VWC2L: variants seen among roughly 807,000 people sequenced by gnomAD.
The protein encoded by VWC2L is von Willebrand factor C domain containing 2 like, also known as von Willebrand factor C domain-containing protein 2-like.
Under a neutral mutation model 21.6 loss-of-function variants are expected in VWC2L, and 10 were observed. The ratio of observed to expected loss-of-function variants is 0.46; its 90% CI spans 0.29 to 0.78. The LOEUF is 0.78. Among genes scored for constraint, VWC2L ranks in the 30% least tolerant of loss-of-function variants. The pLI is 0.10. For missense variants in VWC2L, 209 were observed against 277.1 expected, an observed-to-expected ratio of 0.75 and a Z score of 1.74; for synonymous variants, 96 against 94.3, an observed-to-expected ratio of 1.02 and a Z score of -0.10.
chr2:214,547,399 T>C (rs1333166805), intron 3 of VWC2L, among the ~76,000 whole-genome samples: 2 of 152,088 alleles, frequency 1.3e-5, no homozygotes, highest in African/African-American at 4.8e-5. Context: ...GGAGGGAGAA[T>C]GTTCGACATA....
At chr2:214,480,691 A>C (rs1688589381) in intron 3 of VWC2L, among the ~76,000 whole-genome samples, 1 of 152,014 alleles carries the variant, frequency 6.6e-6, no homozygotes, top group Admixed American at 6.6e-5. Flanking sequence ...AACATGAGTT[A>C]TTACATCTGC....
intron 3 of VWC2L, among the ~76,000 whole-genome samples, chr2:214,454,791 A>G (rs1703031261): frequency 6.6e-6 from 1 of 151,312 alleles, no homozygotes; most frequent in Non-Finnish European, 1.5e-5. Flanking sequence ...TTTAGTAGAG[A>G]TGGAGTTTCA....
At chr2:214,527,443 C>A (rs1311003875) in intron 3 of VWC2L, among the ~76,000 whole-genome samples, 1 of 152,132 alleles carries the variant, frequency 6.6e-6, no homozygotes, top group Admixed American at 6.5e-5. Context: ...CAATTACTTT[C>A]CATTGTGCTT....
chr2:214,560,471 G>A (rs1369994870), intron 3 of VWC2L, among the ~76,000 whole-genome samples: 4 of 152,106 alleles, frequency 2.6e-5, no homozygotes, highest in East Asian at 3.8e-4. Context: ...TTCCATTGTG[G>A]TGTGTTATGC....
intron 3 of VWC2L, among the ~76,000 whole-genome samples, chr2:214,470,298 G>C (rs181897942): frequency 2.0e-5 from 3 of 151,340 alleles, no homozygotes; most frequent in Admixed American, 2.0e-4. Context: ...GGAAAAATTA[G>C]AACTAGAACA....
intron 2 of VWC2L, 77 bp downstream of exon 2, chr2:214,414,660 A>G (rs1274188107): frequency 2.0e-6 from 3 of 1,468,216 alleles, no homozygotes; most frequent in African/African-American, 2.9e-5. Context: ...CATTAAAGTC[A>G]GAGTTGGAAA....
intron 3 of VWC2L, among the ~76,000 whole-genome samples, chr2:214,474,453 C>A (rs1250808666): frequency 6.6e-6 from 1 of 152,020 alleles, no homozygotes; most frequent in Non-Finnish European, 1.5e-5. Flanking sequence ...CGTGTGTGTG[C>A]AAGTATTTTG....
chr2:214,443,761 G>C (rs921660269), intron 3 of VWC2L, among the ~76,000 whole-genome samples: 1 of 152,044 alleles, frequency 6.6e-6, no homozygotes, highest in African/African-American at 2.4e-5. Context: ...GATAAAGTCA[G>C]GAATAGACAA....
intron 3 of VWC2L, among the ~76,000 whole-genome samples, chr2:214,551,503 T>A (rs555821338): frequency 1.3e-5 from 2 of 152,360 alleles, no homozygotes; most frequent in East Asian, 3.9e-4. Flanking sequence ...AAAAAATTAC[T>A]CAGAGAGAAA....
At chr2:214,435,883 C>T (rs1702671495) in intron 2 of VWC2L, among the ~76,000 whole-genome samples, 2 of 152,112 alleles carry the variant, frequency 1.3e-5, no homozygotes, top group Non-Finnish European at 1.5e-5. Flanking sequence ...ACACTCTCGG[C>T]CGGTAAGTAC....
chr2:214,492,787 G>A (rs1688762160), intron 3 of VWC2L, among the ~76,000 whole-genome samples: 1 of 152,062 alleles, frequency 6.6e-6, no homozygotes, highest in Non-Finnish European at 1.5e-5. Context: ...AGGTTTTGCT[G>A]CTATAACAAA....
At chr2:214,519,080 G>GA (rs1559316096) in intron 3 of VWC2L, among the ~76,000 whole-genome samples, 1 of 152,108 alleles carries the variant, frequency 6.6e-6, no homozygotes, top group Non-Finnish European at 1.5e-5. Flanking sequence ...TCGTTCTTTT[G>GA]AAAAACCTTA....
chr2:214,512,011 CTCTTTT>C (rs1689064180), intron 3 of VWC2L, among the ~76,000 whole-genome samples: 1 of 151,590 alleles, frequency 6.6e-6, no homozygotes, highest in African/African-American at 2.4e-5. Flanking sequence ...ATTAGTGTTT[CTCTTTT>C]TGAGACATAT....
intron 3 of VWC2L, among the ~76,000 whole-genome samples, chr2:214,512,784 A>G (rs1227988706): frequency 6.6e-6 from 1 of 152,140 alleles, no homozygotes; most frequent in Non-Finnish European, 1.5e-5. Flanking sequence ...ATAAGTGGAT[A>G]TAACTGGAAT....
At chr2:214,552,783 G>C (rs1378438402) in intron 3 of VWC2L, among the ~76,000 whole-genome samples, 2 of 152,090 alleles carry the variant, frequency 1.3e-5, no homozygotes, top group Non-Finnish European at 2.9e-5. Flanking sequence ...CTTCTAAAAT[G>C]ATGCCTCAAG....
intron 3 of VWC2L, among the ~76,000 whole-genome samples, chr2:214,463,280 AGTTT>A (rs1703167753): frequency 6.6e-6 from 1 of 152,066 alleles, no homozygotes; most frequent in Non-Finnish European, 1.5e-5. Flanking sequence ...AGTACTTTGA[AGTTT>A]TTTTATGATG....
At chr2:214,519,325 T>C (rs568908363) in intron 3 of VWC2L, among the ~76,000 whole-genome samples, 75 of 152,070 alleles carry the variant, frequency 4.9e-4, no homozygotes, top group African/African-American at 1.8e-3. Context: ...CCTAGAAATA[T>C]AAGATGATAA....
intron 3 of VWC2L, among the ~76,000 whole-genome samples, chr2:214,523,755 C>G (rs1689281956): frequency 6.6e-6 from 1 of 152,108 alleles, no homozygotes; most frequent in Admixed American, 6.5e-5. Flanking sequence ...ATCCCTTGAA[C>G]CCAGGAGGGT....
chr2:214,467,002 G>A (rs1315512995), intron 3 of VWC2L, among the ~76,000 whole-genome samples: 1 of 152,116 alleles, frequency 6.6e-6, no homozygotes, highest in East Asian at 1.9e-4. Flanking sequence ...TTGAGTGCTG[G>A]ACATGTTTTC....
Sources: allele counts gnomAD v4.1 joint callset (sites outside exome capture counted in the v4.1 genomes callset), GRCh38; gene constraint gnomAD v4.1.1; transcripts MANE v1.5; gene names NCBI Gene and HGNC (gene_info 2026-07-23, HGNC 2026-07-21).